Variants in FAM47E observed in about 807,000 individuals in gnomAD.
FAM47E encodes protein FAM47E.
FAM47E carries 32 observed loss-of-function variants against 41.6 expected under a neutral mutation model. The observed-to-expected ratio is 0.77, with a 90% CI of 0.58 to 1.03. The LOEUF is 1.03. Ranked by LOEUF, FAM47E falls within the 50% of genes least tolerant of loss-of-function variation. The pLI is 0.00. For missense variants in FAM47E, 424 were observed against 485.4 expected (o/e 0.87, Z 1.19); for synonymous variants, 184 against 188.7 (o/e 0.98, Z 0.20).
chr4:76,267,020 A>T (rs898930726), intron 3 of FAM47E, among the ~76,000 whole-genome samples: 4 of 140,980 alleles, frequency 2.8e-5, no homozygotes, highest in Non-Finnish European at 6.2e-5. Flanking sequence ...ATCACTCTCC[A>T]TCCCCCTCCT....
At chr4:76,243,075 A>G (rs1049504146) in intron 2 of FAM47E, among the ~76,000 whole-genome samples, 1 of 152,114 alleles carries the variant, frequency 6.6e-6, no homozygotes, top group Non-Finnish European at 1.5e-5. Context: ...CTCTTGCCCT[A>G]TTTTCTGCCA....
At chr4:76,274,894 C>G (rs958122221) in intron 5 of FAM47E, among the ~76,000 whole-genome samples, 2 of 152,144 alleles carry the variant, frequency 1.3e-5, no homozygotes, top group African/African-American at 4.8e-5. Flanking sequence ...CTGCCTTGAT[C>G]TGTCTGGACT....
chr4:76,256,047 C>A, intron 1 of FAM47E, 131 bp from the exon 2 acceptor site: 1 of 1,033,694 alleles, frequency 9.7e-7, no homozygotes, highest in Non-Finnish European at 1.4e-6. Context: ...GTGAATCCCA[C>A]TTCCCCTACC....
intron 2 of FAM47E, among the ~76,000 whole-genome samples, chr4:76,256,781 A>G (rs1734213309): frequency 6.6e-6 from 1 of 152,188 alleles, no homozygotes; most frequent in Admixed American, 6.5e-5. Context: ...GCCACAAACC[A>G]GAAACGTATG....
chr4:76,280,122 C>A, intron 6 of FAM47E, 142 bp from the exon 7 acceptor site: 2 of 573,528 alleles, frequency 3.5e-6, no homozygotes, highest in Non-Finnish European at 6.2e-6. Context: ...AACTCATGAA[C>A]ATTACACACA....
intron 2 of FAM47E, among the ~76,000 whole-genome samples, chr4:76,263,483 T>A (rs1226833497): frequency 6.6e-6 from 1 of 152,184 alleles, no homozygotes; most frequent in Non-Finnish European, 1.5e-5. Flanking sequence ...ACTTTAGGGA[T>A]TATGATCTTT....
rs1734615018 is a variant in FAM47E, at chr4:76,265,943, CACTT to C, written c.560+2102_560+2105del. Among the ~76,000 whole-genome samples, 3 of 149,540 alleles carry C rather than the reference CACTT, an allele frequency of 2.0e-5. No homozygotes were observed. In the South Asian group the frequency reaches 6.6e-4, roughly 33 times the overall value. On this transcript the variant is annotated intron_variant, in intron 3 of 7. Transcript: ENST00000424749. Reference sequence around the variant, plus strand: ...ATTTTTTGAAAGAGGCATTCATACTCACTTAGTCTTTTTCTCTCCAAACAACAAT... The same window carrying C: ...ATTTTTTGAAAGAGGCATTCATACTCAGTCTTTTTCTCTCCAAACAACAAT...
intron 7 of FAM47E, chr4:76,282,343 A>G (rs1735389476): frequency 6.6e-6 from 1 of 152,150 alleles, no homozygotes; most frequent in South Asian, 2.1e-4. Context: ...GAGGGCATTT[A>G]TAGCCCTATC....
intron 2 of FAM47E, among the ~76,000 whole-genome samples, chr4:76,223,530 C>G (rs1023486601): frequency 6.6e-6 from 1 of 152,198 alleles, no homozygotes; most frequent in East Asian, 1.9e-4. Context: ...TATCACCGCC[C>G]TCTTCCTCTA....
chr4:76,276,075 C>T (rs551150748), intron 5 of FAM47E, among the ~76,000 whole-genome samples: 1 of 151,928 alleles, frequency 6.6e-6, no homozygotes, highest in African/African-American at 2.4e-5. Flanking sequence ...CACACCCCTC[C>T]CCTACATACA....
chr4:76,268,536 G>C (rs1734741358), intron 3 of FAM47E, 124 bp from the exon 4 acceptor site: 2 of 942,248 alleles, frequency 2.1e-6, no homozygotes, highest in Non-Finnish European at 3.1e-6. Context: ...CAATTTGTAT[G>C]TGAGCTTGCA....
At chr4:76,247,415 A>G (rs1733851293), upstream of FAM47E, among the ~76,000 whole-genome samples, 1 of 152,168 alleles carries the variant, frequency 6.6e-6, no homozygotes, top group Non-Finnish European at 1.5e-5. Flanking sequence ...ATGTACAAAT[A>G]TCTGAGTTCC....
At chr4:76,250,147 T>C (rs1733920771), upstream of FAM47E, among the ~76,000 whole-genome samples, 1 of 152,156 alleles carries the variant, frequency 6.6e-6, no homozygotes, top group East Asian at 1.9e-4. Context: ...CTGTTTTCCA[T>C]AGTGGTTTTA....
chr4:76,259,478 C>G (rs182659546), intron 2 of FAM47E, among the ~76,000 whole-genome samples: 41 of 152,238 alleles, frequency 2.7e-4, no homozygotes, highest in Non-Finnish European at 4.6e-4. Flanking sequence ...AATTCATGCC[C>G]CTGTTGGATC....
intron 7 of FAM47E, 51 bp from the exon 8 acceptor site, chr4:76,283,330 T>C: frequency 9.3e-7 from 1 of 1,075,354 alleles, no homozygotes; most frequent in East Asian, 2.6e-5. Context: ...AGGACTGTAC[T>C]GTGCAAGTTT....
intron 5 of FAM47E, among the ~76,000 whole-genome samples, chr4:76,277,457 C>G (rs975497673): frequency 7.9e-5 from 12 of 151,468 alleles, no homozygotes; most frequent in African/African-American, 2.9e-4. Flanking sequence ...CTCACTGCAC[C>G]CCAGCCTGGG....
chr4:76,253,396 G>A lies in FAM47E; in HGVS notation c.74+1576G>A, dbSNP rs576304307. On this transcript the variant is annotated intron_variant, in intron 1 of 7. Coordinates refer to ENST00000424749, the MANE Select transcript of FAM47E (RefSeq NM_001136570.3). ...TTTCATTTCTTTAGGATACATGTCC[G>A]GTATCCTTTTGCAATTCTTAAAGAG... 1.2e-4 allele frequency among the ~76,000 whole-genome samples: 19 copies of A among 152,188 alleles called. No homozygotes were observed. In the South Asian group the frequency reaches 3.1e-3, roughly 25 times the overall value.
intron 2 of FAM47E, among the ~76,000 whole-genome samples, chr4:76,242,575 C>T (rs189456893): frequency 6.6e-6 from 1 of 152,300 alleles, no homozygotes; most frequent in African/African-American, 2.4e-5. Flanking sequence ...TTGAGTGCCT[C>T]TTTGTGCTAG....
chr4:76,268,844 T>C, intron 4 of FAM47E, 76 bp downstream of exon 4: 2 of 1,510,346 alleles, frequency 1.3e-6, no homozygotes, highest in Non-Finnish European at 8.9e-7. Context: ...AAACCTACTT[T>C]TAAATGTCAA....
Sources: gnomAD v4.1 joint callset for allele counts (sites outside exome capture counted in the v4.1 genomes callset) on GRCh38, gnomAD v4.1.1 for gene constraint, MANE v1.5 for transcripts, NCBI Gene and HGNC (gene_info 2026-07-23, HGNC 2026-07-21) for gene names.